ANKS3: variants seen among roughly 807,000 people sequenced by gnomAD.
ANKS3 encodes the protein ankyrin repeat and SAM domain-containing protein 3.
A neutral mutation model predicts 80.7 loss-of-function variants in ANKS3; 62 were observed. The ratio of observed to expected loss-of-function variants is 0.77; its 90% confidence interval spans 0.63 to 0.95. The LOEUF is 0.95. ANKS3 is among the 40% of genes least tolerant of loss of function. ANKS3 has a pLI of 0.00. For missense variants in ANKS3, 1,150 were observed against 883.6 expected (o/e 1.30, Z -3.82); for synonymous variants, 489 against 355.3 (o/e 1.38, Z -4.23).
chr16:4,729,138 T>C (rs924949609), intron 3 of ANKS3, among the ~76,000 whole-genome samples: 2 of 152,186 alleles, frequency 1.3e-5, no homozygotes, highest in Non-Finnish European at 2.9e-5. Flanking sequence ...CATCCTACTA[T>C]GGGCAAGACG....
At position 4,726,712 on chromosome 16, in the gene ANKS3, C is replaced by A. The variant is rs142686275; in HGVS notation, c.438G>T (p.Gly146=). 12 of 1,614,110 alleles carry A rather than the reference C, an allele frequency of 7.4e-6. No homozygotes were observed. Among genetic ancestry groups the A allele is most frequent in the African/African-American group, 1.3e-5 (1 of 74,948 alleles). ...AGAGGAACCTGACCATGTGCTGGTG[C>A]CCGGCGCTGGTACAGTGGAAGAGGG... The part of the protein sequence containing the change: ...WTALFHCTSA[G]HQHMVRFLLD... The change falls in exon 5 of 18, where the codon GGG becomes GGT. Residue 146 remains glycine, a synonymous_variant. Coordinates refer to ENST00000304283, the MANE Select transcript of ANKS3 (RefSeq NM_133450.4).
intron 6 of ANKS3, among the ~76,000 whole-genome samples, chr16:4,718,298 A>T (rs989556003): frequency 2.0e-5 from 3 of 152,166 alleles, no homozygotes; most frequent in Non-Finnish European, 2.9e-5. Context: ...CTAAAGAGAC[A>T]CATGATCAAA....
rs1000257320 is a variant in ANKS3, at chr16:4,705,643, C to G, written c.710-390G>C. On this transcript the variant is annotated intron_variant, in intron 7 of 17. Coordinates refer to ENST00000304283, the MANE Select transcript of ANKS3 (RefSeq NM_133450.4). The stretch of plus-strand genomic sequence containing the variant: ...CCATGCCCAGTGTTTTTTTTCTTTT[C>G]TTTTTCAGTAGACACAGGCTTTTGC... Among the ~76,000 whole-genome samples, 7 of 147,858 alleles carry G rather than the reference C, an allele frequency of 4.7e-5. No homozygotes were observed. In the East Asian group the frequency reaches 1.4e-3, roughly 30 times the overall value.
intron 6 of ANKS3, among the ~76,000 whole-genome samples, chr16:4,720,838 G>A (rs2081050889): frequency 6.6e-6 from 1 of 150,604 alleles, no homozygotes; most frequent in African/African-American, 2.4e-5. Context: ...TCAGGAGGCT[G>A]AGGCAGGAGA....
intron 3 of ANKS3, chr16:4,727,403 C>G: frequency 1.7e-6 from 1 of 593,468 alleles, no homozygotes. Flanking sequence ...TCTGATTTCG[C>G]ATCCTCCTAG....
chr16:4,701,659 T>C (rs975880810), intron 9 of ANKS3, 116 bp from the exon 10 acceptor site: 30 of 820,692 alleles, frequency 3.7e-5, no homozygotes, highest in Non-Finnish European at 5.2e-5. Flanking sequence ...CAGCGGTTGC[T>C]TCCTTATATT....
At chr16:4,714,231 C>T (rs773038738) in intron 6 of ANKS3, 45 bp from the exon 7 acceptor site, 1 of 1,606,306 alleles carries the variant, frequency 6.2e-7, no homozygotes, top group African/African-American at 1.3e-5. Context: ...TCCTTCAAAG[C>T]ACCTGCCCTT....
rs373499350 is a variant in ANKS3 at position 4,698,404 on chromosome 16, C to G, written c.1724+23G>C. The G allele has an allele frequency of 1.6e-4, 230 of 1,478,982 alleles. 1 individual carries two copies. The African/African-American group carries it at 3.1e-3, about 20-fold the overall frequency. 91.6% of individuals were successfully genotyped at this position (1,478,982 alleles called of 1,614,324 possible). Reference sequence around the variant, plus strand: ...GTGGCTGACCACTGGAGACCCAGCCCAGGGCAGCTCAGAGCCACTCACCGC... The same window carrying G: ...GTGGCTGACCACTGGAGACCCAGCCGAGGGCAGCTCAGAGCCACTCACCGC... On this transcript the variant is annotated intron_variant, in intron 14 of 17. Coordinates refer to ENST00000304283, the MANE Select transcript of ANKS3 (RefSeq NM_133450.4).
intron 1 of ANKS3, among the ~76,000 whole-genome samples, chr16:4,732,873 G>C (rs1217358787): frequency 1.3e-5 from 2 of 151,970 alleles, no homozygotes; most frequent in Non-Finnish European, 2.9e-5. Flanking sequence ...AGACACAATG[G>C]AGTACTATTC....
Position 4,699,187 on chromosome 16 carries a change from C to G in ANKS3, c.1285-11G>C. The G allele has an allele frequency of 6.2e-7, 1 of 1,613,736 alleles. No individual in the cohort carries two copies. Among genetic ancestry groups the G allele is most frequent in the Non-Finnish European group, 8.5e-7 (1 of 1,179,908 alleles). ...CAGTGCGGCAAGGTCCTGGCAGGCA[C>G]AGGGGACAGGTTGGGGGAGGTAGTG... On this transcript the variant is annotated splice_polypyrimidine_tract_variant and intron_variant, in intron 11 of 17. Transcript: ENST00000304283.
intron 1 of ANKS3, among the ~76,000 whole-genome samples, chr16:4,732,071 G>C (rs1257332277): frequency 6.6e-6 from 1 of 152,174 alleles, no homozygotes; most frequent in East Asian, 1.9e-4. Context: ...GATGGCTAAA[G>C]AAACAAGCCA....
intron 7 of ANKS3, among the ~76,000 whole-genome samples, chr16:4,707,439 G>C (rs776412075): frequency 6.6e-6 from 1 of 152,016 alleles, no homozygotes; most frequent in African/African-American, 2.4e-5. Flanking sequence ...GTGCCACCAT[G>C]CCTGGCTAAT....
intron 7 of ANKS3, among the ~76,000 whole-genome samples, chr16:4,710,329 C>T (rs868571486): frequency 2.0e-5 from 3 of 152,302 alleles, no homozygotes; most frequent in Middle Eastern, 6.8e-3. Flanking sequence ...TTAATTTGAT[C>T]ATTACACAGT....
chr16:4,725,147 T>C (rs1596447891), intron 5 of ANKS3: 1 of 217,706 alleles, frequency 4.6e-6, no homozygotes, highest in East Asian at 1.0e-4. Flanking sequence ...GCTGTTCTAA[T>C]TCCTCACAGA....
In ANKS3 at chr16:4,711,653, G is replaced by A. The variant is rs2080490513; in HGVS notation, c.709+2398C>T. ...GAATCACTTGAACCCGGGAGGCAGA[G>A]GTTGCGGTGAGTCAAGATCGAGCCA... On this transcript the variant is annotated intron_variant, in intron 7 of 17. Coordinates refer to ENST00000304283, the MANE Select transcript of ANKS3 (RefSeq NM_133450.4). Among the ~76,000 whole-genome samples, 4 of 151,206 alleles carry A rather than the reference G, an allele frequency of 2.6e-5. No homozygotes were observed. In the South Asian group the frequency reaches 8.4e-4, roughly 32 times the overall value.
At chr16:4,726,262 C>A (rs955017160) in intron 5 of ANKS3, among the ~76,000 whole-genome samples, 1 of 152,222 alleles carries the variant, frequency 6.6e-6, no homozygotes, top group East Asian at 1.9e-4. Flanking sequence ...AGGCGTGAGC[C>A]ACCACGCCCG....
At chr16:4,711,288 A>C (rs1329630626) in intron 7 of ANKS3, among the ~76,000 whole-genome samples, 1 of 151,160 alleles carries the variant, frequency 6.6e-6, no homozygotes, top group African/African-American at 2.4e-5. Context: ...TTTTTAGTAG[A>C]GATGGGGTTT....
chr16:4,720,820 C>A (rs1028874246), intron 6 of ANKS3, among the ~76,000 whole-genome samples: 1 of 150,608 alleles, frequency 6.6e-6, no homozygotes, highest in Non-Finnish European at 1.5e-5. Flanking sequence ...GCCTGTAATC[C>A]CAGCTACTCA....
At chr16:4,697,131 C>A in intron 16 of ANKS3, 27 bp from the exon 17 acceptor site, 1 of 1,609,186 alleles carries the variant, frequency 6.2e-7, no homozygotes, top group Non-Finnish European at 8.5e-7. Flanking sequence ...TTGAGCCTCT[C>A]CCGGCCAGGC....
Sources: gnomAD v4.1 joint callset for allele counts (sites outside exome capture counted in the v4.1 genomes callset) on GRCh38, gnomAD v4.1.1 for gene constraint, MANE v1.5 for transcripts, NCBI Gene and HGNC (gene_info 2026-07-23, HGNC 2026-07-21) for gene names.